The following XKR9 variants were observed in gnomAD, a reference collection of about 807,000 sequenced individuals.
XKR9 encodes the protein XK related 9, also known as XK-related protein 9.
Under a neutral mutation model 32.0 loss-of-function variants are expected in XKR9, and 32 were observed. That is an observed-to-expected ratio of 1.00 (90% CI 0.76 to 1.34). The LOEUF is 1.34. Among genes scored for constraint, XKR9 ranks in the 40% most tolerant of loss-of-function variants. XKR9 has a pLI of 0.00. For missense variants in XKR9, 546 were observed against 429.7 expected (o/e 1.27, Z -2.39); for synonymous variants, 168 against 143.4 (o/e 1.17, Z -1.22).
chr8:70,756,715 C>A (rs894475054), intron 2 of XKR9, among the ~76,000 whole-genome samples: 1 of 152,132 alleles, frequency 6.6e-6, no homozygotes, highest in Non-Finnish European at 1.5e-5. Flanking sequence ...ATCTTGAAGT[C>A]TTGCTGAACT....
chr8:70,938,411 G>A, the XKR9 span, among the ~76,000 whole-genome samples: 5 of 151,834 alleles, frequency 3.3e-5, no homozygotes, highest in African/African-American at 1.2e-4. Flanking sequence ...GCCTCTACAG[G>A]GCACTGAGAC....
At chr8:70,719,893 T>C (rs1239476613) in intron 4 of XKR9, among the ~76,000 whole-genome samples, 1 of 152,190 alleles carries the variant, frequency 6.6e-6, no homozygotes, top group East Asian at 1.9e-4. Flanking sequence ...TTGGGCAGCA[T>C]GGCCATTTTC....
the XKR9 span, among the ~76,000 whole-genome samples, chr8:70,915,492 G>T: frequency 1.3e-5 from 2 of 152,062 alleles, no homozygotes; most frequent in African/African-American, 2.4e-5. Flanking sequence ...GGTCAGTTAG[G>T]TCAGATTTCT....
At chr8:70,761,630 C>G (rs1807310244) in intron 2 of XKR9, among the ~76,000 whole-genome samples, 1 of 151,972 alleles carries the variant, frequency 6.6e-6, no homozygotes, top group Non-Finnish European at 1.5e-5. Flanking sequence ...CAAACATTTT[C>G]TTTCATTCTG....
chr8:70,863,699 T>C, the XKR9 span, among the ~76,000 whole-genome samples: 2 of 152,158 alleles, frequency 1.3e-5, no homozygotes, highest in Admixed American at 6.6e-5. Context: ...ACTATCTCAG[T>C]AGTCCTGACA....
chr8:70,813,420 CA>C, the XKR9 span, among the ~76,000 whole-genome samples: 1 of 152,126 alleles, frequency 6.6e-6, no homozygotes, highest in Non-Finnish European at 1.5e-5. Flanking sequence ...GCAATGGCAA[CA>C]AAAACCAAAA....
At chr8:70,794,603 T>C (rs1316400522), downstream of XKR9, among the ~76,000 whole-genome samples, 2 of 152,130 alleles carry the variant, frequency 1.3e-5, no homozygotes, top group Non-Finnish European at 2.9e-5. Flanking sequence ...GATATGATCA[T>C]GAGTGTGTGT....
chr8:70,830,697 G>A, the XKR9 span, among the ~76,000 whole-genome samples: 15 of 152,178 alleles, frequency 9.9e-5, no homozygotes, highest in East Asian at 3.9e-4. Flanking sequence ...CAGTGTCTAC[G>A]GATATAGCAT....
At chr8:71,021,498 CTTTTTTTT>C in the XKR9 span, among the ~76,000 whole-genome samples, 1 of 101,418 alleles carries the variant, frequency 9.9e-6, no homozygotes, top group Non-Finnish European at 2.0e-5. Flanking sequence ...TTGATGGTTT[CTTTTTTTT>C]TTTTTTTTTT....
chr8:71,002,351 A>T, the XKR9 span, among the ~76,000 whole-genome samples: 2 of 151,310 alleles, frequency 1.3e-5, no homozygotes, highest in Middle Eastern at 3.4e-3. Flanking sequence ...TTTAAAATAA[A>T]AGCTAAAGCC....
Position 70,750,788 on chromosome 8 carries a change from T to C in XKR9, n.353-38551T>C, listed in dbSNP as rs371865815. On this transcript the variant is annotated intron_variant and non_coding_transcript_variant, in intron 2 of 3. Transcript: ENST00000520273. ...TTTCATTACCTACAAAAATAAACTG[T>C]TACTTTTATCCTTTCTGTGATGGTT... Among the ~76,000 whole-genome samples, 14 of 152,358 alleles carry C rather than the reference T, an allele frequency of 9.2e-5. No individual in the cohort carries two copies. In the East Asian group the frequency reaches 2.5e-3, roughly 27 times the overall value.
chr8:71,034,864 T>A, the XKR9 span, among the ~76,000 whole-genome samples: 3 of 152,204 alleles, frequency 2.0e-5, no homozygotes, highest in African/African-American at 7.2e-5. Flanking sequence ...GTTTATTATA[T>A]AGAAATAGTC....
chr8:70,906,755 T>C, the XKR9 span, among the ~76,000 whole-genome samples: 278 of 152,362 alleles, frequency 1.8e-3, 3 homozygotes, highest in Admixed American at 0.015. Context: ...GTGTTCCTTT[T>C]ATGCAAATAC....
downstream of XKR9, among the ~76,000 whole-genome samples, chr8:70,791,259 G>C (rs1186414470): frequency 4.0e-5 from 6 of 151,428 alleles, no homozygotes; most frequent in Non-Finnish European, 7.4e-5. Flanking sequence ...AGGATTGCTT[G>C]AGCCCAGGAG....
the XKR9 span, among the ~76,000 whole-genome samples, chr8:71,054,299 C>T: frequency 8.5e-5 from 13 of 152,154 alleles, no homozygotes; most frequent in Non-Finnish European, 1.6e-4. Context: ...GTATTTTTGG[C>T]TGTATTTTCA....
the XKR9 span, among the ~76,000 whole-genome samples, chr8:70,844,460 G>T: frequency 1.8e-4 from 28 of 152,150 alleles, no homozygotes; most frequent in Non-Finnish European, 3.4e-4. Context: ...CAGGGCCACA[G>T]CACGCTTGTA....
chr8:70,991,658 T>C, the XKR9 span, among the ~76,000 whole-genome samples: 2 of 152,228 alleles, frequency 1.3e-5, no homozygotes, highest in African/African-American at 4.8e-5. Flanking sequence ...CTTTTTATTT[T>C]GTGGAGTTCC....
At chr8:70,753,496 C>G (rs1273991181) in intron 2 of XKR9, among the ~76,000 whole-genome samples, 1 of 152,210 alleles carries the variant, frequency 6.6e-6, no homozygotes, top group Non-Finnish European at 1.5e-5. Flanking sequence ...CCTTGATGAA[C>G]ATTGTTGCAA....
At chr8:70,941,816 A>T in the XKR9 span, among the ~76,000 whole-genome samples, 1 of 152,172 alleles carries the variant, frequency 6.6e-6, no homozygotes, top group South Asian at 2.1e-4. Flanking sequence ...ACACCACAAA[A>T]TCAGCCTAAG....
Sources: allele counts gnomAD v4.1 joint callset (sites outside exome capture counted in the v4.1 genomes callset), GRCh38; gene constraint gnomAD v4.1.1; transcripts MANE v1.5; gene names NCBI Gene and HGNC (gene_info 2026-07-23, HGNC 2026-07-21).